The following OSBPL8 variants were observed in gnomAD, a reference collection of about 807,000 sequenced individuals.
OSBPL8 encodes the protein oxysterol binding protein like 8.
OSBPL8 carries 59 observed loss-of-function variants against 125.5 expected under a neutral mutation model. The ratio of observed to expected loss-of-function variants is 0.47; its 90% CI spans 0.38 to 0.58. The LOEUF (loss-of-function observed/expected upper bound fraction) is 0.58. OSBPL8 is among the 20% of genes least tolerant of loss of function. The probability of loss-of-function intolerance (pLI) is 0.00; values close to 1 mark genes in which losing one functional copy is unlikely to be tolerated. For missense variants in OSBPL8, 758 were observed against 1,047.8 expected, an observed-to-expected ratio of 0.72 and a Z score of 3.82; for synonymous variants, 330 against 338.9, an observed-to-expected ratio of 0.97 and a Z score of 0.29.
In OSBPL8 at chr12:76,369,453, T is replaced by C. The variant is rs962645950; in HGVS notation, c.2241-152A>G. The C allele has an allele frequency of 6.5e-6, 9 of 1,389,176 alleles. No homozygotes were observed. In the Admixed American group the frequency reaches 2.6e-4, roughly 41 times the overall value. The allele number at this position is 1,389,176 out of a possible 1,614,324, so 86.1% of individuals were successfully genotyped here. A position where few individuals can be genotyped will look rare whatever the true frequency, so the allele number is the denominator to read the frequency against. ...ACCTAATCTTCAGATCCTCAACTTA[T>C]TTTATAGGCTAACTTCTATCATAGA... On this transcript the variant is annotated intron_variant, in intron 20 of 23. Transcript: ENST00000261183.
At chr12:76,507,615 T>C (rs539537664) in intron 1 of OSBPL8, among the ~76,000 whole-genome samples, 1 of 150,698 alleles carries the variant, frequency 6.6e-6, no homozygotes, top group East Asian at 1.9e-4. Flanking sequence ...AGGTCAGGAG[T>C]TTGAGACCAG....
intron 1 of OSBPL8, among the ~76,000 whole-genome samples, chr12:76,554,818 T>TA (rs1484420808): frequency 6.6e-6 from 1 of 152,176 alleles, no homozygotes; most frequent in Non-Finnish European, 1.5e-5. Flanking sequence ...AATTAGTAGG[T>TA]AACTGGCTTA....
chr12:76,446,826 AAC>A (rs1273683557), intron 4 of OSBPL8, among the ~76,000 whole-genome samples: 2 of 152,152 alleles, frequency 1.3e-5, no homozygotes, highest in South Asian at 2.1e-4. Context: ...CAATGACTGA[AAC>A]ACAATGAATA....
chr12:76,527,054 T>C (rs996174013), intron 1 of OSBPL8, among the ~76,000 whole-genome samples: 2 of 152,136 alleles, frequency 1.3e-5, no homozygotes, highest in Non-Finnish European at 2.9e-5. Context: ...GAGGCTAAAA[T>C]GTCAATTACT....
intron 2 of OSBPL8, among the ~76,000 whole-genome samples, chr12:76,471,502 A>C (rs1318833760): frequency 6.6e-6 from 1 of 152,000 alleles, no homozygotes; most frequent in Non-Finnish European, 1.5e-5. Context: ...AGTCTCTCAT[A>C]TTTACCCTTT....
chr12:76,444,834 T>G (rs1259341875), intron 4 of OSBPL8, among the ~76,000 whole-genome samples: 1 of 152,212 alleles, frequency 6.6e-6, no homozygotes, highest in Admixed American at 6.5e-5. Context: ...TAGCCAGATG[T>G]AGGTGCTACT....
At position 76,392,609 on chromosome 12, in the gene OSBPL8, T is replaced by C; in HGVS notation, c.901A>G (p.Asn301Asp). Reference protein sequence around the residue: ...HVTFYGLLRANNLHSGDNFQL... With the variant: ...HVTFYGLLRADNLHSGDNFQL... ...AAGTTATCACCACTGTGGAGATTGTTAGCACGTAGTAAGCCATAGAAAGTC... is the reference window on the plus strand; with the variant it reads ...AAGTTATCACCACTGTGGAGATTGTCAGCACGTAGTAAGCCATAGAAAGTC... Residue 301 changes from asparagine to aspartate, a missense_variant, in exon 10 of 24, where the codon AAC (asparagine) becomes GAC (aspartate). Asn to Asp is a conservative substitution (Grantham distance 23). Transcript: ENST00000261183. 6.2e-7 allele frequency: 1 copy of C among 1,613,536 alleles called. No individual in the cohort carries two copies. The highest frequency in any genetic ancestry group is 8.5e-7 in the Non-Finnish European group (1 of 1,179,520).
At chr12:76,488,012 T>TA (rs1315172150) in intron 1 of OSBPL8, among the ~76,000 whole-genome samples, 1 of 152,206 alleles carries the variant, frequency 6.6e-6, no homozygotes, top group Admixed American at 6.5e-5. Flanking sequence ...TATGAGAATA[T>TA]AAATCAGGAC....
At position 76,394,712 on chromosome 12, in the gene OSBPL8, C is replaced by T. The variant is rs201950442; in HGVS notation, c.690G>A (p.Ala230=). The change falls in exon 9 of 24, where the codon GCG becomes GCA. Residue 230 remains alanine (A), a synonymous_variant. Coordinates refer to ENST00000261183, the MANE Select transcript of OSBPL8 (RefSeq NM_020841.5). ...IWAVKGPKGE[A]VGSITQPLPS... is the part of the protein sequence containing the mutation. ...GTAAGGGTTGAGTAATGGATCCAAC[C>T]GCTTCACCTTTTGGACCCTTAATAA... 41 of 1,611,514 alleles carry T rather than the reference C, an allele frequency of 2.5e-5. No individual in the cohort carries two copies. In the Middle Eastern group the frequency reaches 6.6e-4, roughly 26 times the overall value.
At chr12:76,437,428 C>T (rs566055175) in intron 4 of OSBPL8, among the ~76,000 whole-genome samples, 1 of 152,250 alleles carries the variant, frequency 6.6e-6, no homozygotes, top group East Asian at 1.9e-4. Context: ...CATTTATTGG[C>T]CATCCGTGTT....
intron 1 of OSBPL8, among the ~76,000 whole-genome samples, chr12:76,543,797 A>G (rs1303448048): frequency 1.3e-5 from 2 of 152,218 alleles, no homozygotes; most frequent in Non-Finnish European, 2.9e-5. Flanking sequence ...TTTAACTTAC[A>G]TGTAAGTCTG....
At chr12:76,435,393 T>C (rs907229582) in intron 4 of OSBPL8, among the ~76,000 whole-genome samples, 3 of 151,912 alleles carry the variant, frequency 2.0e-5, no homozygotes, top group Admixed American at 6.6e-5. Flanking sequence ...TTGCTAGAGG[T>C]TGGGGAGTGG....
At chr12:76,375,252 C>G in intron 17 of OSBPL8, 21 bp downstream of exon 17, 1 of 1,490,036 alleles carries the variant, frequency 6.7e-7, no homozygotes. Context: ...CTAGGTGATA[C>G]CTACTGTATT....
Position 76,491,611 on chromosome 12 carries a change from T to C in OSBPL8, c.-67-3993A>G, listed in dbSNP as rs34020672. On this transcript the variant is annotated intron_variant, in intron 1 of 23. Transcript: ENST00000261183. Reference sequence around the variant, plus strand: ...TGACTACATGTATTATAATATATGGTAATTATTTGTTCCCATGAGCCAATT... The same window carrying C: ...TGACTACATGTATTATAATATATGGCAATTATTTGTTCCCATGAGCCAATT... 8.7e-4 allele frequency among the ~76,000 whole-genome samples: 133 copies of C among 152,292 alleles called. 1 individual carries two copies. The highest frequency in any genetic ancestry group is 2.9e-3 in the African/African-American group (122 of 41,562).
At chr12:76,485,409 T>C (rs1219721808) in intron 2 of OSBPL8, among the ~76,000 whole-genome samples, 1 of 151,862 alleles carries the variant, frequency 6.6e-6, no homozygotes, top group African/African-American at 2.4e-5. Flanking sequence ...CTGTCCCTAC[T>C]ACAAATACAA....
chr12:76,484,359 T>C (rs1219978169), intron 2 of OSBPL8, among the ~76,000 whole-genome samples: 1 of 152,224 alleles, frequency 6.6e-6, no homozygotes, highest in Non-Finnish European at 1.5e-5. Context: ...CTTCTCCAAC[T>C]ACTCTAGTGT....
At position 76,463,461 on chromosome 12, in the gene OSBPL8, G is replaced by A. The variant is rs11114151; in HGVS notation, c.43-3566C>T. 1.4e-4 allele frequency among the ~76,000 whole-genome samples: 22 copies of A among 152,302 alleles called. 1 individual carries two copies. The East Asian group carries it at 4.0e-3, about 28-fold the overall frequency. ...ACATTCATCCAAGTGGAAATGTCAA[G>A]TAAGCAGCTGGATATATAAATCTGT... On this transcript the variant is annotated intron_variant, in intron 2 of 23. Coordinates refer to ENST00000261183, the MANE Select transcript of OSBPL8 (RefSeq NM_020841.5).
In OSBPL8 at chr12:76,503,834, C is replaced by T. The variant is rs367589660; in HGVS notation, c.-67-16216G>A. 7.4e-4 allele frequency among the ~76,000 whole-genome samples: 113 copies of T among 152,176 alleles called. 2 individuals carry two copies. Among genetic ancestry groups the T allele is most frequent in the African/African-American group, 2.1e-3 (89 of 41,514 alleles). On this transcript the variant is annotated intron_variant, in intron 1 of 23. Transcript: ENST00000261183. ...CTGGGATTACAGGCATAAGCCACCGCGCCTGGCCTATAACAAGTATGTTTT... is the reference window on the plus strand; with the variant it reads ...CTGGGATTACAGGCATAAGCCACCGTGCCTGGCCTATAACAAGTATGTTTT...
At position 76,546,265 on chromosome 12, in the gene OSBPL8, A is replaced by C. The variant is rs533103465; in HGVS notation, c.-68+13132T>G. Among the ~76,000 whole-genome samples the C allele has an allele frequency of 2.0e-5, 3 of 152,322 alleles. No homozygotes were observed. The South Asian group carries it at 6.2e-4, about 32-fold the overall frequency. Reference sequence around the variant, plus strand: ...TGAAGAAGCTCCTCCAAAATAACCAAATAAACAAAATCTTGCTAGTTAAAA... The same window carrying C: ...TGAAGAAGCTCCTCCAAAATAACCACATAAACAAAATCTTGCTAGTTAAAA... On this transcript the variant is annotated intron_variant, in intron 1 of 23. Transcript: ENST00000261183.
Sources: gnomAD v4.1 joint callset for allele counts (sites outside exome capture counted in the v4.1 genomes callset) on GRCh38, gnomAD v4.1.1 for gene constraint, MANE v1.5 for transcripts, NCBI Gene and HGNC (gene_info 2026-07-23, HGNC 2026-07-21) for gene names.